EXOC4: variants seen among roughly 807,000 people sequenced by gnomAD.
EXOC4 encodes exocyst complex component 4.
In EXOC4, 71 loss-of-function variants were observed where a neutral mutation model predicts 107.2. That is an observed-to-expected ratio of 0.66 (90% confidence interval 0.55 to 0.81). The LOEUF (loss-of-function observed/expected upper bound fraction) is 0.81. Ranked by LOEUF, EXOC4 falls within the 30% of genes least tolerant of loss-of-function variation. The pLI, the probability that EXOC4 is intolerant of heterozygous loss-of-function variation, is 0.00. For synonymous variants in EXOC4, 456 were observed against 441.2 expected (o/e 1.03, Z -0.42); for missense variants, 1,108 against 1,189.6 (o/e 0.93, Z 1.01).
At chr7:133,987,400 A>G (rs1794142791) in intron 14 of EXOC4, among the ~76,000 whole-genome samples, 1 of 151,854 alleles carries the variant, frequency 6.6e-6, no homozygotes, top group African/African-American at 2.4e-5. Flanking sequence ...AAAGAAAAAG[A>G]GAGAGAAAGA....
At chr7:133,649,168 A>G (rs1562891006) in intron 10 of EXOC4, among the ~76,000 whole-genome samples, 2 of 152,152 alleles carry the variant, frequency 1.3e-5, no homozygotes, top group Admixed American at 6.6e-5. Context: ...ACCCTTTTTT[A>G]TAATTTCTTC....
chr7:133,695,853 A>C (rs1445430208), intron 10 of EXOC4, among the ~76,000 whole-genome samples: 2 of 152,226 alleles, frequency 1.3e-5, no homozygotes, highest in Non-Finnish European at 2.9e-5. Flanking sequence ...ATCAAATGCT[A>C]TTACAGTAAA....
the EXOC4 span, among the ~76,000 whole-genome samples, chr7:134,086,783 ACAG>A: frequency 6.6e-6 from 1 of 152,170 alleles, no homozygotes; most frequent in Middle Eastern, 3.2e-3. Context: ...TACTCCATAG[ACAG>A]AGCAGCCACA....
At chr7:133,300,960 A>G (rs1162737420) in intron 3 of EXOC4, among the ~76,000 whole-genome samples, 1 of 152,222 alleles carries the variant, frequency 6.6e-6, no homozygotes, top group African/African-American at 2.4e-5. Flanking sequence ...GACTTGGGAA[A>G]AATAAGATGT....
rs1196661560 is a variant in EXOC4, at chr7:133,705,709, A to G, written c.1514+75568A>G. On this transcript the variant is annotated intron_variant, in intron 10 of 17. Transcript: ENST00000253861. ...TACCCGTCTGAGAGTTGACTTCATA[A>G]TCGAGATGGCTACGAAGTGACTAAT... 5.9e-5 allele frequency among the ~76,000 whole-genome samples: 9 copies of G among 152,200 alleles called. No individual in the cohort carries two copies. In the East Asian group the frequency reaches 1.7e-3, roughly 29 times the overall value.
At chr7:133,778,784 TGTG>T (rs1796399918) in intron 10 of EXOC4, among the ~76,000 whole-genome samples, 1 of 152,252 alleles carries the variant, frequency 6.6e-6, no homozygotes. Context: ...TAGTCTATAA[TGTG>T]GTCTCTGTTA....
At chr7:133,873,626 T>C (rs1035000976) in intron 11 of EXOC4, among the ~76,000 whole-genome samples, 1 of 152,252 alleles carries the variant, frequency 6.6e-6, no homozygotes, top group Non-Finnish European at 1.5e-5. Context: ...AGTGGTAATA[T>C]AGATAATCTC....
chr7:134,021,722 GA>G (rs60762484), intron 17 of EXOC4, among the ~76,000 whole-genome samples: 15,934 of 53,852 alleles, frequency 0.3, 904 homozygotes, highest in East Asian at 0.46. Context: ...AGTCAAACCA[GA>G]AAAAAAAAAA....
chr7:133,801,731 G>A (rs1229705053), intron 10 of EXOC4, among the ~76,000 whole-genome samples: 5 of 152,302 alleles, frequency 3.3e-5, no homozygotes, highest in South Asian at 2.1e-4. Context: ...GCCTACTATC[G>A]TGGTTAAGTC....
intron 9 of EXOC4, among the ~76,000 whole-genome samples, chr7:133,588,906 A>G (rs995049310): frequency 6.6e-6 from 1 of 151,570 alleles, no homozygotes; most frequent in African/African-American, 2.4e-5. Flanking sequence ...GTATATATGT[A>G]TGTGTATATA....
chr7:133,686,990 ATTTTGTGT>A (rs1562907724), intron 10 of EXOC4, among the ~76,000 whole-genome samples: 1 of 62,064 alleles, frequency 1.6e-5, no homozygotes, highest in Admixed American at 2.1e-4. Context: ...GGGATAAAGA[ATTTTGTGT>A]GTGTGTGTGT....
chr7:134,049,836 TC>T (rs1035854974), intron 17 of EXOC4, among the ~76,000 whole-genome samples: 1 of 152,120 alleles, frequency 6.6e-6, no homozygotes, highest in Non-Finnish European at 1.5e-5. Flanking sequence ...AAAAAGGACT[TC>T]GAAAGGGACT....
At position 133,917,598 on chromosome 7, in the gene EXOC4, A is replaced by G. The variant is rs367845508; in HGVS notation, c.1887A>G (p.Ser629=). 339 of 1,613,924 alleles carry G rather than the reference A, an allele frequency of 2.1e-4. No homozygotes were observed. Among genetic ancestry groups the G allele is most frequent in the Non-Finnish European group, 2.8e-4 (333 of 1,179,992 alleles). The stretch of plus-strand genomic sequence containing the variant: ...CTGTGTTTAGGGGTATTGTCCAGTC[A>G]GAAGAAAAACTTGTCATCAGTGCAT... ...CTAAYRGIVQ[S]EEKLVISASW... Residue 629 remains serine, a synonymous_variant, in exon 13 of 18, where the codon TCA becomes TCG. Coordinates refer to ENST00000253861, the MANE Select transcript of EXOC4 (RefSeq NM_021807.4).
chr7:133,893,025 G>C (rs1184962055), intron 11 of EXOC4, among the ~76,000 whole-genome samples: 1 of 72,484 alleles, frequency 1.4e-5, no homozygotes, highest in Non-Finnish European at 2.3e-5. Flanking sequence ...TGACAGTGGG[G>C]TGTTAAAGTC....
At chr7:133,844,896 A>T (rs1019943815) in intron 11 of EXOC4, among the ~76,000 whole-genome samples, 1 of 152,036 alleles carries the variant, frequency 6.6e-6, no homozygotes, top group Non-Finnish European at 1.5e-5. Context: ...ACCTAAAAAA[A>T]CCCATGTCCA....
intron 10 of EXOC4, among the ~76,000 whole-genome samples, chr7:133,704,137 G>A (rs1321316494): frequency 1.3e-5 from 2 of 152,116 alleles, no homozygotes; most frequent in African/African-American, 4.8e-5. Flanking sequence ...TTTTTAAATA[G>A]TGACGAGAAC....
intron 9 of EXOC4, among the ~76,000 whole-genome samples, chr7:133,591,006 G>A (rs1220764193): frequency 1.3e-5 from 2 of 152,168 alleles, no homozygotes; most frequent in Non-Finnish European, 2.9e-5. Flanking sequence ...GGTGCCCAAA[G>A]GCACTTGCCC....
intron 9 of EXOC4, among the ~76,000 whole-genome samples, chr7:133,626,817 C>T (rs987898176): frequency 2.0e-5 from 3 of 152,010 alleles, no homozygotes; most frequent in Admixed American, 6.6e-5. Flanking sequence ...TGTTTTTGTT[C>T]TCTGTAATAT....
In EXOC4 at chr7:133,995,483, TC is replaced by T. The variant is rs72345955; in HGVS notation, c.2207-2006del. 5.3e-3 allele frequency among the ~76,000 whole-genome samples: 811 copies of T among 152,322 alleles called. 7 individuals carry two copies. Among genetic ancestry groups the T allele is most frequent in the African/African-American group, 0.019 (774 of 41,566 alleles). On this transcript the variant is annotated intron_variant, in intron 14 of 17. Transcript: ENST00000253861. Reference sequence around the variant, plus strand: ...AAATATCATAGTTGTATAGTTGCTTTCCCTCTAGCCTGTTCCATGAAAATAT... The same window carrying T: ...AAATATCATAGTTGTATAGTTGCTTTCCTCTAGCCTGTTCCATGAAAATAT...
Sources: gnomAD v4.1 joint callset for allele counts (sites outside exome capture counted in the v4.1 genomes callset) on GRCh38, gnomAD v4.1.1 for gene constraint, MANE v1.5 for transcripts, NCBI Gene and HGNC (gene_info 2026-07-23, HGNC 2026-07-21) for gene names.